NARS2: variants seen among roughly 807,000 people sequenced by gnomAD.
NARS2 encodes the protein asparaginyl-tRNA synthetase 2, mitochondrial.
A neutral mutation model predicts 62.9 loss-of-function variants in NARS2; 60 were observed. The ratio of observed to expected loss-of-function variants is 0.95; its 90% CI spans 0.77 to 1.18. NARS2 has a LOEUF of 1.18. NARS2 is among the 50% of genes most tolerant of loss of function. NARS2 has a pLI of 0.00. For synonymous variants in NARS2, 196 were observed against 200.0 expected, an observed-to-expected ratio of 0.98 and a Z score of 0.17; for missense variants, 619 against 576.4, an observed-to-expected ratio of 1.07 and a Z score of -0.76.
rs747254909 is a variant in NARS2, at chr11:78,491,211, C to T, written c.822+1852G>A. On this transcript the variant is annotated intron_variant, in intron 7 of 13. Transcript: ENST00000281038. ...TTACCGGGGAGAAGGTGGCTGTGCA[C>T]TTTAGGTTGTTGAACAGCACTTCTG... Among the ~76,000 whole-genome samples, 69 of 152,186 alleles carry T rather than the reference C, an allele frequency of 4.5e-4. 1 individual carries two copies. Among genetic ancestry groups the T allele is most frequent in the Non-Finnish European group, 1.6e-4 (11 of 68,036 alleles).
chr11:78,520,987 C>T (rs761665602), intron 6 of NARS2, among the ~76,000 whole-genome samples: 14 of 149,430 alleles, frequency 9.4e-5, no homozygotes, highest in South Asian at 2.1e-4. Context: ...GAACCCGAGA[C>T]GCAGGGGTTG....
chr11:78,466,274 AC>A (rs1858617321), intron 10 of NARS2, among the ~76,000 whole-genome samples: 2 of 53,242 alleles, frequency 3.8e-5, no homozygotes, highest in Non-Finnish European at 7.7e-5. Context: ...CCCCACCCCC[AC>A]CCCCCAGGAG....
At chr11:78,561,812 C>A (rs1009938361) in intron 4 of NARS2, among the ~76,000 whole-genome samples, 14 of 152,146 alleles carry the variant, frequency 9.2e-5, no homozygotes, top group African/African-American at 3.1e-4. Flanking sequence ...GTAATCCCAG[C>A]ACTTTGGGAG....
intron 7 of NARS2, among the ~76,000 whole-genome samples, 184 bp downstream of exon 7, chr11:78,492,879 T>C (rs1859885503): frequency 1.3e-5 from 2 of 152,200 alleles, no homozygotes; most frequent in South Asian, 4.1e-4. Context: ...GATATAAACT[T>C]AAATCTGTCT....
chr11:78,467,673 G>A (rs1258456869), intron 10 of NARS2, among the ~76,000 whole-genome samples: 1 of 152,108 alleles, frequency 6.6e-6, no homozygotes, highest in Non-Finnish European at 1.5e-5. Context: ...GGGCAAATGA[G>A]GTGATATTTG....
intron 5 of NARS2, among the ~76,000 whole-genome samples, chr11:78,541,527 C>T (rs1395285585): frequency 6.6e-6 from 1 of 152,030 alleles, no homozygotes; most frequent in Admixed American, 6.6e-5. Flanking sequence ...ATTAGTCTCT[C>T]CTAAGTATGA....
Position 78,465,887 on chromosome 11 carries a change from G to T in NARS2, c.1153C>A (p.Pro385Thr). ...PFYMRDNEDG[P>T]QHTVAAVDLL... is the part of the protein sequence containing the mutation. Reference sequence around the variant, plus strand: ...GTATCTCTTCTTACCGTGTGCTGAGGGCCATCTTCATTATCCCTCATGTAG... The same window carrying T: ...GTATCTCTTCTTACCGTGTGCTGAGTGCCATCTTCATTATCCCTCATGTAG... The change falls in exon 11 of 14, where the codon CCT becomes ACT. Residue 385 changes from proline to threonine, a missense_variant. Physicochemically the swap from Pro to Thr is conservative, Grantham distance 38. Transcript: ENST00000281038. The T allele has an allele frequency of 6.2e-7, 1 of 1,614,086 alleles. No homozygotes were observed. Among genetic ancestry groups the T allele is most frequent in the East Asian group, 2.2e-5 (1 of 44,882 alleles).
intron 9 of NARS2, among the ~76,000 whole-genome samples, chr11:78,475,865 T>G (rs538632503): frequency 7.2e-5 from 11 of 152,162 alleles, no homozygotes; most frequent in Non-Finnish European, 1.3e-4. Flanking sequence ...CCTCCCAAAG[T>G]GCTGAGACTA....
intron 3 of NARS2, among the ~76,000 whole-genome samples, chr11:78,568,069 G>A (rs1565290499): frequency 6.6e-6 from 1 of 152,128 alleles, no homozygotes; most frequent in Non-Finnish European, 1.5e-5. Context: ...AGAATTTCTT[G>A]CCTCTATTCG....
At chr11:78,558,481 A>G (rs897524159) in intron 5 of NARS2, 5 of 152,248 alleles carry the variant, frequency 3.3e-5, no homozygotes, top group Non-Finnish European at 7.3e-5. Flanking sequence ...AACCAAATAT[A>G]TAAACAAGAA....
chr11:78,465,696 G>A (rs980018470), intron 11 of NARS2, among the ~76,000 whole-genome samples, 180 bp downstream of exon 11: 6 of 152,218 alleles, frequency 3.9e-5, no homozygotes, highest in African/African-American at 1.2e-4. Flanking sequence ...CAGAAATGAG[G>A]AAGTACGTTT....
In NARS2 at chr11:78,541,369, C is replaced by T. The variant is rs1345434314; in HGVS notation, c.595-12433G>A. ...TTTTTGAGATAAGGTCTTGCTATGT[C>T]GCCCAGGCTGGTCTTGAACTCCTGG... On this transcript the variant is annotated intron_variant, in intron 5 of 13. Transcript: ENST00000281038. 1.0e-4 allele frequency among the ~76,000 whole-genome samples: 15 copies of T among 149,214 alleles called. 1 individual carries two copies. Among genetic ancestry groups the T allele is most frequent in the Non-Finnish European group, 1.8e-4 (12 of 67,678 alleles).
intron 9 of NARS2, among the ~76,000 whole-genome samples, chr11:78,469,776 G>C (rs910380197): frequency 2.5e-5 from 3 of 117,790 alleles, no homozygotes; most frequent in South Asian, 6.2e-4. Flanking sequence ...GAGAGAGAGA[G>C]AGCGAGAGAT....
intron 11 of NARS2, among the ~76,000 whole-genome samples, chr11:78,444,890 A>C (rs1051867999): frequency 6.6e-6 from 1 of 152,234 alleles, no homozygotes; most frequent in African/African-American, 2.4e-5. Context: ...GGCAACAGAT[A>C]ACCAAACGCC....
In NARS2 at chr11:78,559,657, A is replaced by C. The variant is rs139946982; in HGVS notation, c.514-38T>G. 16 of 1,362,010 alleles carry C rather than the reference A, an allele frequency of 1.2e-5. No homozygotes were observed. The African/African-American group carries it at 1.6e-4, about 13-fold the overall frequency. The allele number at this position is 1,362,010 out of a possible 1,614,324, so 84.4% of individuals were successfully genotyped here. On this transcript the variant is annotated intron_variant, in intron 4 of 13. Coordinates refer to ENST00000281038, the MANE Select transcript of NARS2 (RefSeq NM_024678.6). ...ACCACTGTTTTCAGGATATTTGCAC[A>C]TTCAACAATTCCAAGAACACACATC...
intron 6 of NARS2, among the ~76,000 whole-genome samples, chr11:78,525,961 G>T (rs1441813913): frequency 6.6e-6 from 1 of 152,014 alleles, no homozygotes; most frequent in Non-Finnish European, 1.5e-5. Flanking sequence ...CATTCCACAG[G>T]TCGTAAAAAA....
intron 13 of NARS2, among the ~76,000 whole-genome samples, chr11:78,439,747 C>T (rs1185061063): frequency 1.3e-5 from 2 of 152,112 alleles, no homozygotes; most frequent in African/African-American, 4.8e-5. Context: ...AGGTAACTTG[C>T]CCCTTCCTCT....
At chr11:78,573,011 C>G (rs1330067034) in intron 1 of NARS2, 1 of 152,234 alleles carries the variant, frequency 6.6e-6, no homozygotes, top group Non-Finnish European at 1.5e-5. Context: ...GCAGCAGGTT[C>G]TCTTTTCATC....
intron 9 of NARS2, among the ~76,000 whole-genome samples, chr11:78,469,884 C>A (rs1020632043): frequency 6.6e-6 from 1 of 151,948 alleles, no homozygotes; most frequent in African/African-American, 2.4e-5. Flanking sequence ...GTTTGGGGTG[C>A]CATTTTAGAT....
Sources: allele counts gnomAD v4.1 joint callset (sites outside exome capture counted in the v4.1 genomes callset), GRCh38; gene constraint gnomAD v4.1.1; transcripts MANE v1.5; gene names NCBI Gene and HGNC (gene_info 2026-07-23, HGNC 2026-07-21).